HIBCH: variants seen among roughly 807,000 people sequenced by gnomAD.
HIBCH encodes 3-hydroxyisobutyryl-CoA hydrolase.
Under a neutral mutation model 58.2 loss-of-function variants are expected in HIBCH, and 50 were observed. The observed-to-expected ratio is 0.86, with a 90% CI of 0.68 to 1.09. The LOEUF (loss-of-function observed/expected upper bound fraction) is 1.09, where lower values mean the gene tolerates loss of function less well. HIBCH is among the 50% of genes least tolerant of loss of function. The pLI is 0.00. For missense variants in HIBCH, 450 were observed against 449.7 expected, an observed-to-expected ratio of 1.00 and a Z score of -0.01; for synonymous variants, 151 against 146.9, an observed-to-expected ratio of 1.03 and a Z score of -0.20.
intron 6 of HIBCH, among the ~76,000 whole-genome samples, chr2:190,261,955 A>G (rs904147052): frequency 3.9e-5 from 6 of 152,170 alleles, no homozygotes; most frequent in African/African-American, 1.4e-4. Flanking sequence ...AGGGCAGCCA[A>G]TGGAGACTAA....
intron 6 of HIBCH, among the ~76,000 whole-genome samples, chr2:190,286,061 C>T (rs918406940): frequency 6.6e-6 from 1 of 152,004 alleles, no homozygotes; most frequent in Non-Finnish European, 1.5e-5. Flanking sequence ...AAGCTGGTCT[C>T]GAACTCCTAG....
intron 11 of HIBCH, among the ~76,000 whole-genome samples, chr2:190,227,787 C>G (rs1228379061): frequency 6.6e-6 from 1 of 152,086 alleles, no homozygotes; most frequent in Non-Finnish European, 1.5e-5. Flanking sequence ...ATTTATGCAG[C>G]CAACAGACAC....
chr2:190,200,669 A>AGAT (rs1243765071), downstream of HIBCH: 7 of 169,190 alleles, frequency 4.1e-5, no homozygotes, highest in African/African-American at 1.4e-4. Flanking sequence ...GTCTTTAATA[A>AGAT]GATAAGATAT....
At chr2:190,313,204 C>T (rs1688604998) in intron 1 of HIBCH, among the ~76,000 whole-genome samples, 4 of 150,566 alleles carry the variant, frequency 2.7e-5, no homozygotes, top group Non-Finnish European at 1.5e-5. Context: ...GACATGCTCA[C>T]GGGCATGTTC....
chr2:190,290,521 T>C, intron 4 of HIBCH, 36 bp from the exon 5 acceptor site: 3 of 1,283,694 alleles, frequency 2.3e-6, no homozygotes, highest in Non-Finnish European at 3.4e-6. Context: ...AAAAAAAAGA[T>C]TTAATAGTCA....
chr2:190,294,420 G>A, intron 4 of HIBCH, 126 bp downstream of exon 4: 5 of 689,914 alleles, frequency 7.2e-6, no homozygotes, highest in South Asian at 3.4e-5. Flanking sequence ...TCCTAAGAAT[G>A]TATTAACTTT....
intron 11 of HIBCH, among the ~76,000 whole-genome samples, chr2:190,237,548 C>G (rs1035179554): frequency 6.6e-6 from 1 of 152,016 alleles, no homozygotes; most frequent in South Asian, 2.1e-4. Flanking sequence ...CGTGTTTACA[C>G]TTTTTTGGAT....
intron 6 of HIBCH, among the ~76,000 whole-genome samples, chr2:190,271,124 T>C (rs914596785): frequency 6.6e-5 from 10 of 151,974 alleles, no homozygotes; most frequent in African/African-American, 2.2e-4. Flanking sequence ...TCTTAGTAAA[T>C]AGTGCCACCA....
intron 9 of HIBCH, among the ~76,000 whole-genome samples, chr2:190,248,832 G>C (rs1686683605): frequency 6.7e-6 from 1 of 150,094 alleles, no homozygotes; most frequent in East Asian, 1.9e-4. Flanking sequence ...CCGCCCTCCA[G>C]CCTAGGTGAC....
intron 6 of HIBCH, among the ~76,000 whole-genome samples, chr2:190,277,747 G>C (rs952647375): frequency 1.2e-4 from 19 of 152,178 alleles, no homozygotes; most frequent in South Asian, 2.1e-4. Flanking sequence ...CCCACAGAGA[G>C]TAAATATCTC....
At chr2:190,259,364 T>TGTG in intron 7 of HIBCH, among the ~76,000 whole-genome samples, 1 of 144,488 alleles carries the variant, frequency 6.9e-6, no homozygotes, top group Admixed American at 6.9e-5. Context: ...TGTGTGTGTG[T>TGTG]GTGTCTGTCT....
At chr2:190,280,538 G>C (rs756260236) in intron 6 of HIBCH, among the ~76,000 whole-genome samples, 1 of 152,152 alleles carries the variant, frequency 6.6e-6, no homozygotes, top group Non-Finnish European at 1.5e-5. Context: ...TAAGATCTCA[G>C]GAGCTGGGCG....
Position 190,281,993 on chromosome 2 carries a change from A to T in HIBCH, c.438+5593T>A, listed in dbSNP as rs1332915547. Among the ~76,000 whole-genome samples, 2 of 152,130 alleles carry T rather than the reference A, an allele frequency of 1.3e-5. No homozygotes were observed. Among genetic ancestry groups the T allele is most frequent in the East Asian group, 3.9e-4 (2 of 5,192 alleles). ...CATTACTGTCCATATTTCTATTAGC[A>T]TTCTGCCCATGACCACTTAAATAAT... On this transcript the variant is annotated intron_variant, in intron 6 of 13. Transcript: ENST00000359678. The surrounding 1 kb of genome is among the most constrained non-coding windows in gnomAD (Gnocchi z 5.4).
intron 6 of HIBCH, among the ~76,000 whole-genome samples, chr2:190,277,607 C>A (rs1408485167): frequency 6.6e-6 from 1 of 152,184 alleles, no homozygotes; most frequent in African/African-American, 2.4e-5. Context: ...TGTCTCTCTG[C>A]ACTTTGAGTT....
intron 1 of HIBCH, among the ~76,000 whole-genome samples, chr2:190,314,884 G>T (rs1358186927): frequency 2.0e-5 from 3 of 152,000 alleles, no homozygotes; most frequent in African/African-American, 7.3e-5. Flanking sequence ...CTGAATTTAT[G>T]ATCTTTCTTT....
chr2:190,287,027 C>CAT (rs1553504916), intron 6 of HIBCH, among the ~76,000 whole-genome samples: 1 of 142,114 alleles, frequency 7.0e-6, no homozygotes, highest in African/African-American at 2.7e-5. Flanking sequence ...TAGCATATAA[C>CAT]GTGTGTGTGT....
intron 11 of HIBCH, among the ~76,000 whole-genome samples, chr2:190,223,803 C>T (rs749364033): frequency 2.0e-5 from 3 of 152,134 alleles, no homozygotes; most frequent in Non-Finnish European, 2.9e-5. Flanking sequence ...AGAAGATGGC[C>T]GAATAGGAAC....
intron 11 of HIBCH, among the ~76,000 whole-genome samples, chr2:190,242,272 G>A (rs762460729): frequency 2.2e-4 from 34 of 151,486 alleles, no homozygotes; most frequent in Admixed American, 4.0e-4. Flanking sequence ...CGTTCTTCAA[G>A]AAGATTTATG....
Position 190,294,649 on chromosome 2 carries a change from A to T in HIBCH, c.220-19T>A. The stretch of plus-strand genomic sequence containing the variant: ...CCCACTTCTATTCAAATGTAACAGA[A>T]GATGGTATAAGCATATTATAAACAC... On this transcript the variant is annotated intron_variant, in intron 3 of 13. Coordinates refer to ENST00000359678, the MANE Select transcript of HIBCH (RefSeq NM_014362.4). The T allele has an allele frequency of 6.6e-7, 1 of 1,510,476 alleles. No homozygotes were observed. Among genetic ancestry groups the T allele is most frequent in the Non-Finnish European group, 9.2e-7 (1 of 1,086,508 alleles). 93.6% of individuals were successfully genotyped at this position (1,510,476 alleles called of 1,614,324 possible). A position where few individuals can be genotyped will look rare whatever the true frequency, so the allele number is the denominator to read the frequency against.
Sources: gnomAD v4.1 joint callset for allele counts (sites outside exome capture counted in the v4.1 genomes callset) on GRCh38, gnomAD v4.1.1 for gene constraint, Gnocchi (gnomAD v3.1) non-coding constraint, MANE v1.5 for transcripts, NCBI Gene and HGNC (gene_info 2026-07-23, HGNC 2026-07-21) for gene names.